The following UGT3A2 variants were observed in gnomAD, a reference collection of about 807,000 sequenced individuals.
The protein encoded by UGT3A2 is UDP-glycosyltransferase 3A2.
UGT3A2 carries 32 observed loss-of-function variants against 39.8 expected under a neutral mutation model. The observed-to-expected ratio is 0.80, with a 90% CI of 0.61 to 1.08. UGT3A2 has a LOEUF of 1.08. UGT3A2 is among the 50% of genes least tolerant of loss of function. The probability of loss-of-function intolerance (pLI) is 0.00; values close to 1 mark genes in which losing one functional copy is unlikely to be tolerated. For missense variants in UGT3A2, 611 were observed against 637.1 expected, an observed-to-expected ratio of 0.96 and a Z score of 0.44; for synonymous variants, 241 against 230.7, an observed-to-expected ratio of 1.04 and a Z score of -0.40.
chr5:36,037,734 TA>T, intron 6 of UGT3A2, 62 bp downstream of exon 6: 1 of 1,565,638 alleles, frequency 6.4e-7, no homozygotes. Flanking sequence ...CAGACTCCCA[TA>T]GTGCCCTTAG....
At position 36,049,133 on chromosome 5, in the gene UGT3A2, C is replaced by T. The variant is rs778227549; in HGVS notation, c.599G>A (p.Arg200Gln). The change falls in exon 4 of 7, where the codon CGA (arginine) becomes CAA (glutamine). Residue 200 changes from arginine to glutamine, a missense_variant. By Grantham distance (43) the Arg-to-Gln change is conservative. Coordinates refer to ENST00000282507, the MANE Select transcript of UGT3A2 (RefSeq NM_174914.4). Reference protein sequence around the residue: ...LLTDHMDFWGRVKNFLMFFSF... With the variant: ...LLTDHMDFWGQVKNFLMFFSF... The stretch of plus-strand genomic sequence containing the variant: ...AAAGAACATCAGAAAATTCTTCACT[C>T]GGCCCCAGAAGTCCATGTGATCAGT... 2.7e-5 allele frequency: 43 copies of T among 1,614,178 alleles called. No individual in the cohort carries two copies. Among genetic ancestry groups the T allele is most frequent in the South Asian group, 7.7e-5 (7 of 91,078 alleles).
chr5:36,065,242 G>A (rs575822252), intron 1 of UGT3A2, among the ~76,000 whole-genome samples: 2 of 152,248 alleles, frequency 1.3e-5, no homozygotes, highest in East Asian at 3.9e-4. Context: ...CGGGGTGGGG[G>A]TGGAAGGGAG....
intron 2 of UGT3A2, among the ~76,000 whole-genome samples, chr5:36,062,988 C>T (rs1438591739): frequency 6.6e-6 from 1 of 151,878 alleles, no homozygotes; most frequent in African/African-American, 2.4e-5. Flanking sequence ...TTGCAGTGAG[C>T]CAAGATCATG....
At chr5:36,053,660 C>G (rs1205188642) in intron 2 of UGT3A2, among the ~76,000 whole-genome samples, 1 of 152,224 alleles carries the variant, frequency 6.6e-6, no homozygotes, top group Non-Finnish European at 1.5e-5. Flanking sequence ...CAAATTACAA[C>G]AAACTTAGTT....
At chr5:36,036,045 A>G in intron 6 of UGT3A2, 71 bp from the exon 7 acceptor site, 5 of 1,546,332 alleles carry the variant, frequency 3.2e-6, no homozygotes, top group Non-Finnish European at 4.4e-6. Flanking sequence ...GATCCGTTCT[A>G]TATGATGCAC....
intron 3 of UGT3A2, 58 bp from the exon 4 acceptor site, chr5:36,049,478 A>C (rs1742276381): frequency 7.5e-7 from 1 of 1,330,470 alleles, no homozygotes; most frequent in Non-Finnish European, 1.0e-6. Context: ...ACAGTACATA[A>C]AAGTATCTTG....
At chr5:36,059,616 T>C (rs1742624118) in intron 2 of UGT3A2, among the ~76,000 whole-genome samples, 2 of 152,108 alleles carry the variant, frequency 1.3e-5, no homozygotes, top group African/African-American at 4.8e-5. Context: ...CTTGTCAAGA[T>C]GTGGGAACTG....
At chr5:36,056,427 C>G (rs755275939) in intron 2 of UGT3A2, among the ~76,000 whole-genome samples, 1 of 152,226 alleles carries the variant, frequency 6.6e-6, no homozygotes, top group East Asian at 1.9e-4. Flanking sequence ...GGGCAGCTTT[C>G]TGAACCTTGG....
At chr5:36,056,191 A>C (rs921987311) in intron 2 of UGT3A2, among the ~76,000 whole-genome samples, 16 of 152,180 alleles carry the variant, frequency 1.1e-4, no homozygotes, top group African/African-American at 3.9e-4. Flanking sequence ...TGTAGTTATC[A>C]AGAATAACTG....
chr5:36,048,001 C>T (rs1251949120), intron 4 of UGT3A2, among the ~76,000 whole-genome samples: 2 of 152,200 alleles, frequency 1.3e-5, no homozygotes, highest in African/African-American at 4.8e-5. Context: ...TTCCCCAACT[C>T]TTCCTGCTCA....
In UGT3A2 at chr5:36,048,899, G is replaced by A. The variant is rs1742247576; in HGVS notation, c.833C>T (p.Pro278Leu). 1 of 1,613,910 alleles carries A rather than the reference G, an allele frequency of 6.2e-7. No individual in the cohort carries two copies. Among genetic ancestry groups the A allele is most frequent in the Non-Finnish European group, 8.5e-7 (1 of 1,179,900 alleles). Residue 278 changes from proline (P) to leucine (L), a missense_variant, in exon 4 of 7, where the codon CCA becomes CTA. Coordinates refer to ENST00000282507, the MANE Select transcript of UGT3A2 (RefSeq NM_174914.4). Reference sequence around the variant, plus strand: ...TGAGGGTTCACTTACTTGTGGTACTGGTTTAATAGGTTTTTCCATCAAGCC... The same window carrying A: ...TGAGGGTTCACTTACTTGTGGTACTAGTTTAATAGGTTTTTCCATCAAGCC... ...VGGLMEKPIK[P>L]VPQDLENFIA...
chr5:36,050,185 C>G (rs1408717743), intron 3 of UGT3A2, among the ~76,000 whole-genome samples: 1 of 149,572 alleles, frequency 6.7e-6, no homozygotes, highest in African/African-American at 2.5e-5. Flanking sequence ...ATTATTATTT[C>G]TTTCCACCTC....
intron 2 of UGT3A2, among the ~76,000 whole-genome samples, chr5:36,062,993 A>T (rs1196126553): frequency 6.6e-6 from 1 of 151,906 alleles, no homozygotes; most frequent in Non-Finnish European, 1.5e-5. Context: ...GTGAGCCAAG[A>T]TCATGCCACT....
chr5:36,043,562 AG>A (rs962351764), intron 4 of UGT3A2, among the ~76,000 whole-genome samples: 8 of 152,004 alleles, frequency 5.3e-5, no homozygotes, highest in Admixed American at 1.3e-4. Flanking sequence ...TTTAAAAAAA[AG>A]ATCAATGAAA....
intron 4 of UGT3A2, among the ~76,000 whole-genome samples, chr5:36,041,714 G>A (rs1017314377): frequency 1.3e-5 from 2 of 152,218 alleles, no homozygotes; most frequent in Non-Finnish European, 2.9e-5. Flanking sequence ...CACAGGTGCA[G>A]TGACCAAAGA....
chr5:36,037,784 A>G lies in UGT3A2; in HGVS notation c.1295+13T>C. The G allele has an allele frequency of 6.2e-7, 1 of 1,614,084 alleles. No homozygotes were observed. Among genetic ancestry groups the G allele is most frequent in the African/African-American group, 1.3e-5 (1 of 75,048 alleles). ...ATTCGTCATTATGACCACAACCCCA[A>G]GGAGCTGCATACCTCTTGTCTTCCA... On this transcript the variant is annotated intron_variant, in intron 6 of 6. Transcript: ENST00000282507.
chr5:36,044,267 A>G (rs1351875140), intron 4 of UGT3A2, among the ~76,000 whole-genome samples: 2 of 152,156 alleles, frequency 1.3e-5, no homozygotes, highest in Non-Finnish European at 2.9e-5. Context: ...ATGCTGAAAA[A>G]GCATTCAATA....
At chr5:36,049,508 C>G in intron 3 of UGT3A2, 88 bp from the exon 4 acceptor site, 1 of 1,072,590 alleles carries the variant, frequency 9.3e-7, no homozygotes, top group African/African-American at 1.6e-5. Context: ...GAAAATATCC[C>G]AGGAAAGCAA....
chr5:36,064,271 GTGGTTAAGCA>G lies in UGT3A2; in HGVS notation c.164_173del (p.Met55ThrfsTer44). 1 of 1,614,128 alleles carries G rather than the reference GTGGTTAAGCA, an allele frequency of 6.2e-7. No homozygotes were observed. The highest frequency in any genetic ancestry group is 8.5e-7 in the Non-Finnish European group (1 of 1,179,974). ...TACCTGGCATAAAAGGACCTCTTTT[GTGGTTAAGCA>G]TGGTGACATTATGACCGTGATCTTG... is the stretch of plus-strand genomic sequence containing the variant. On this transcript the variant is annotated frameshift_variant, in exon 2 of 7. Coordinates refer to ENST00000282507, the MANE Select transcript of UGT3A2 (RefSeq NM_174914.4). LOFTEE classifies it high-confidence loss of function.
Sources: allele counts gnomAD v4.1 joint callset (sites outside exome capture counted in the v4.1 genomes callset), GRCh38; gene constraint gnomAD v4.1.1; transcripts MANE v1.5; gene names NCBI Gene and HGNC (gene_info 2026-07-23, HGNC 2026-07-21).